IL2RB: variants seen among roughly 807,000 people sequenced by gnomAD.
The protein encoded by IL2RB is interleukin 2 receptor subunit beta.
A neutral mutation model predicts 44.2 loss-of-function variants in IL2RB; 17 were observed. The observed-to-expected ratio is 0.38, with a 90% confidence interval of 0.26 to 0.58. The LOEUF (loss-of-function observed/expected upper bound fraction) is 0.58. IL2RB is among the 20% of genes least tolerant of loss of function. IL2RB has a pLI of 0.63. For synonymous variants in IL2RB, 286 were observed against 297.9 expected (o/e 0.96, Z 0.41); for missense variants, 624 against 685.5 (o/e 0.91, Z 1.00).
intron 9 of IL2RB, 100 bp downstream of exon 9, chr22:37,132,284 T>C (rs1206442960): frequency 2.3e-6 from 2 of 874,188 alleles, no homozygotes; most frequent in Admixed American, 2.2e-5. Flanking sequence ...CTTCGGCGTT[T>C]TGTCTCCTCT....
At chr22:37,145,818 C>T (rs1922197384) in intron 1 of IL2RB, among the ~76,000 whole-genome samples, 1 of 152,082 alleles carries the variant, frequency 6.6e-6, no homozygotes, top group South Asian at 2.1e-4. Flanking sequence ...GCTTCCAAGG[C>T]TCCTGAGCGT....
chr22:37,162,202 G>A (rs1011111376), intron 1 of IL2RB, among the ~76,000 whole-genome samples: 14 of 152,218 alleles, frequency 9.2e-5, no homozygotes, highest in Admixed American at 2.6e-4. Flanking sequence ...AGAGGGCAGC[G>A]AGGGGAAGAG....
intron 1 of IL2RB, among the ~76,000 whole-genome samples, chr22:37,157,073 G>A (rs1334682786): frequency 6.7e-6 from 1 of 148,540 alleles, no homozygotes; most frequent in East Asian, 1.9e-4. Flanking sequence ...TACATAATTT[G>A]GTGTCTGACC....
At chr22:37,135,507 C>T (rs1034915452) in intron 7 of IL2RB, 65 bp from the exon 8 acceptor site, 17 of 1,045,022 alleles carry the variant, frequency 1.6e-5, no homozygotes, top group African/African-American at 7.8e-5. Context: ...CACCCTGGGT[C>T]GGTCACCCCA....
intron 1 of IL2RB, among the ~76,000 whole-genome samples, chr22:37,169,401 T>C (rs1190212989): frequency 2.0e-5 from 3 of 152,174 alleles, no homozygotes; most frequent in Non-Finnish European, 4.4e-5. Context: ...CAGAGGGTTC[T>C]TGCTTACACA....
chr22:37,163,819 G>A (rs1922966046), intron 1 of IL2RB, among the ~76,000 whole-genome samples: 1 of 152,240 alleles, frequency 6.6e-6, no homozygotes, highest in Non-Finnish European at 1.5e-5. Context: ...AAACCTGAAA[G>A]CAGCAGGGGA....
intron 9 of IL2RB, 48 bp downstream of exon 9, chr22:37,132,336 C>G: frequency 6.9e-7 from 1 of 1,458,970 alleles, no homozygotes. Context: ...ACCCCCTCAT[C>G]CCACTCACAC....
Position 37,128,136 on chromosome 22 carries a change from AG to A in IL2RB, c.1615del (p.Leu539SerfsTer36). 1 of 1,577,374 alleles carries A rather than the reference AG, an allele frequency of 6.3e-7. No homozygotes were observed. The highest frequency in any genetic ancestry group is 8.6e-7 in the Non-Finnish European group (1 of 1,165,754). ...LPLNTDAYLSLQELQGQDPTH... is the reference protein window; with the variant it reads ...LPLNTDAYLSXQELQGQDPTH... Reference sequence around the variant, plus strand: ...TGGGTCCTGACCCTGGAGTTCTTGGAGGGACAAGTAGGCATCAGTGTTCAGG... The same window carrying A: ...TGGGTCCTGACCCTGGAGTTCTTGGAGGACAAGTAGGCATCAGTGTTCAGG... On this transcript the variant is annotated frameshift_variant, in exon 10 of 10. Transcript: ENST00000216223. LOFTEE classifies it high-confidence loss of function. This position sits in a 1 kb window ranked among gnomAD's most constrained non-coding sequence, Gnocchi z 4.5.
chr22:37,142,906 C>G (rs918565823), intron 3 of IL2RB, among the ~76,000 whole-genome samples: 2 of 151,920 alleles, frequency 1.3e-5, no homozygotes, highest in African/African-American at 4.8e-5. Flanking sequence ...ACCTGCCTTA[C>G]CCCTCCATCT....
intron 1 of IL2RB, among the ~76,000 whole-genome samples, chr22:37,160,591 T>A (rs1334518739): frequency 6.6e-6 from 1 of 151,364 alleles, no homozygotes; most frequent in Admixed American, 6.6e-5. Flanking sequence ...TTGGTATTTT[T>A]AAAAACGTGA....
intron 1 of IL2RB, among the ~76,000 whole-genome samples, chr22:37,163,795 G>A (rs940818099): frequency 2.6e-5 from 4 of 152,226 alleles, no homozygotes; most frequent in South Asian, 2.1e-4. Flanking sequence ...ATGGGCCTCC[G>A]GGAACTCATG....
chr22:37,138,286 C>T (rs1921804534), intron 5 of IL2RB, among the ~76,000 whole-genome samples: 1 of 152,232 alleles, frequency 6.6e-6, no homozygotes, highest in African/African-American at 2.4e-5. Context: ...TATAGAACCA[C>T]ATAAGTGATA....
intron 1 of IL2RB, among the ~76,000 whole-genome samples, chr22:37,169,447 C>T (rs151060649): frequency 3.9e-5 from 6 of 152,276 alleles, no homozygotes; most frequent in South Asian, 2.1e-4. Context: ...TATTTGTTAG[C>T]GGGACGCTGC....
At chr22:37,132,914 G>A (rs1458437814) in intron 8 of IL2RB, among the ~76,000 whole-genome samples, 2 of 152,218 alleles carry the variant, frequency 1.3e-5, no homozygotes, top group Non-Finnish European at 2.9e-5. Flanking sequence ...GGTGGTTCAG[G>A]TTGTACACTG....
At chr22:37,142,784 C>A in intron 3 of IL2RB, 1 of 594,902 alleles carries the variant, frequency 1.7e-6, no homozygotes. Flanking sequence ...GACAGGCAGT[C>A]CTCCCCACCT....
intron 1 of IL2RB, among the ~76,000 whole-genome samples, chr22:37,164,201 A>AC (rs1240944415): frequency 6.6e-6 from 1 of 150,746 alleles, no homozygotes; most frequent in African/African-American, 2.5e-5. Context: ...CCACTACTTC[A>AC]CCCCCAACCT....
At chr22:37,154,373 G>C (rs1303929410), upstream of IL2RB, among the ~76,000 whole-genome samples, 2 of 152,140 alleles carry the variant, frequency 1.3e-5, no homozygotes, top group Non-Finnish European at 2.9e-5. Flanking sequence ...TGGTGGAATG[G>C]GTCCCCAGGC....
chr22:37,135,371 T>C lies in IL2RB; in HGVS notation c.775A>G (p.Ile259Val), dbSNP rs140720297. 1.4e-5 allele frequency: 23 copies of C among 1,613,830 alleles called. No homozygotes were observed. In the African/African-American group the frequency reaches 2.9e-4, roughly 21 times the overall value. ...CAGTTGATCAGCAAGTACACTAAGA[T>C]GATGAAGCCAAAAGCCCCGCTGAGG... ...VGLSGAFGFI[I>V]LVYLLINCRN... The change falls in exon 8 of 10, where the codon ATC becomes GTC. Residue 259 changes from isoleucine to valine, a missense_variant. Physicochemically the swap from Ile to Val is conservative, Grantham distance 29. Transcript: ENST00000216223.
Position 37,144,105 on chromosome 22 carries a change from C to T in IL2RB, c.68G>A (p.Trp23Ter). The T allele has an allele frequency of 1.3e-6, 2 of 1,552,424 alleles. No homozygotes were observed. The highest frequency in any genetic ancestry group is 1.7e-6 in the Non-Finnish European group (2 of 1,147,232). ...LILLLPLATS[W>*]ASAAVNGTSQ... ...CTCACCATTCACCGCTGCAGATGCC[C>T]AAGAGGTAGCCAGGGGCAGGAGGAG... is the stretch of plus-strand genomic sequence containing the variant. The change falls in exon 2 of 10, where the codon TGG (tryptophan) becomes TAG (stop). Residue 23 changes from tryptophan (W) to a stop codon, truncating the protein, a stop_gained. Transcript: ENST00000216223. LOFTEE classifies it high-confidence loss of function.
Sources: allele counts gnomAD v4.1 joint callset (sites outside exome capture counted in the v4.1 genomes callset), GRCh38; gene constraint gnomAD v4.1.1; non-coding constraint Gnocchi (gnomAD v3.1); transcripts MANE v1.5; gene names NCBI Gene and HGNC (gene_info 2026-07-23, HGNC 2026-07-21).